Variants in OSBPL9 observed in about 807,000 individuals in gnomAD.
OSBPL9 encodes the protein oxysterol binding protein like 9.
A neutral mutation model predicts 106.6 loss-of-function variants in OSBPL9; 40 were observed. The ratio of observed to expected loss-of-function variants is 0.38; its 90% CI spans 0.29 to 0.49. OSBPL9 has a LOEUF of 0.49. Among genes scored for constraint, OSBPL9 ranks in the 20% least tolerant of loss-of-function variants. OSBPL9 has a pLI of 0.97. For synonymous variants in OSBPL9, 269 were observed against 295.4 expected, an observed-to-expected ratio of 0.91 and a Z score of 0.92; for missense variants, 609 against 887.2, an observed-to-expected ratio of 0.69 and a Z score of 3.98.
the OSBPL9 span, among the ~76,000 whole-genome samples, chr1:51,534,253 G>C: frequency 6.6e-6 from 1 of 150,822 alleles, no homozygotes; most frequent in Non-Finnish European, 1.5e-5. Flanking sequence ...AAGTCATACT[G>C]GTTTTTTTGT....
chr1:51,643,712 C>G (rs1204443327), intron 1 of OSBPL9, among the ~76,000 whole-genome samples: 1 of 151,862 alleles, frequency 6.6e-6, no homozygotes, highest in African/African-American at 2.4e-5. Flanking sequence ...TGATCAGATT[C>G]ATGTTTTGAA....
intron 3 of OSBPL9, among the ~76,000 whole-genome samples, chr1:51,704,099 C>T (rs28771138): frequency 6.6e-6 from 1 of 152,048 alleles, no homozygotes; most frequent in Non-Finnish European, 1.5e-5. Context: ...AAAATTCTCT[C>T]TTTTTGTTGT....
intron 4 of OSBPL9, among the ~76,000 whole-genome samples, chr1:51,737,997 TAA>T (rs962406534): frequency 2.0e-5 from 3 of 152,060 alleles, no homozygotes; most frequent in African/African-American, 7.2e-5. Flanking sequence ...CCAGGCAAAC[TAA>T]AATATACAGT....
At chr1:51,564,052 C>CAAAAAAAAAAAA in the OSBPL9 span, among the ~76,000 whole-genome samples, 13,980 of 27,272 alleles carry the variant, frequency 0.51, 5,340 homozygotes, top group Non-Finnish European at 0.61. Flanking sequence ...GAGATCATCT[C>CAAAAAAAAAAAA]AAAAAAAAAA....
At chr1:51,631,084 A>G (rs1645077231) in intron 1 of OSBPL9, among the ~76,000 whole-genome samples, 1 of 152,164 alleles carries the variant, frequency 6.6e-6, no homozygotes, top group Non-Finnish European at 1.5e-5. Flanking sequence ...TTTCAAAGAT[A>G]GTTTGGTGTG....
the OSBPL9 span, among the ~76,000 whole-genome samples, chr1:51,563,268 C>T: frequency 1.7e-4 from 26 of 152,228 alleles, no homozygotes; most frequent in Non-Finnish European, 2.8e-4. Context: ...ATTTTTGGCT[C>T]ATTCATGGAC....
intron 1 of OSBPL9, among the ~76,000 whole-genome samples, chr1:51,648,287 C>T (rs1192507449): frequency 6.6e-6 from 1 of 152,130 alleles, no homozygotes; most frequent in East Asian, 1.9e-4. Context: ...TGCTTCAGAC[C>T]AGGAGGTAGC....
At chr1:51,591,795 G>A (rs1246703897) in intron 1 of OSBPL9, among the ~76,000 whole-genome samples, 2 of 138,788 alleles carry the variant, frequency 1.4e-5, no homozygotes, top group African/African-American at 6.1e-5. Context: ...GAAAGAAAGA[G>A]ACAGAGAGAG....
chr1:51,680,971 C>CA (rs1173605197), intron 3 of OSBPL9, among the ~76,000 whole-genome samples: 3 of 152,242 alleles, frequency 2.0e-5, no homozygotes, highest in Middle Eastern at 3.4e-3. Flanking sequence ...AATGTCACTG[C>CA]AAAAATATAT....
intron 2 of OSBPL9, among the ~76,000 whole-genome samples, chr1:51,602,683 G>A (rs890868956): frequency 6.6e-6 from 1 of 151,508 alleles, no homozygotes; most frequent in African/African-American, 2.4e-5. Flanking sequence ...TGGGCTCAAG[G>A]GATTCTCCCG....
intron 1 of OSBPL9, among the ~76,000 whole-genome samples, chr1:51,580,042 C>A (rs1194106708): frequency 6.6e-6 from 1 of 152,100 alleles, no homozygotes; most frequent in Non-Finnish European, 1.5e-5. Context: ...AGCAATCCAA[C>A]TGATTCTCAT....
chr1:51,611,065 G>T (rs1348379137), intron 2 of OSBPL9, among the ~76,000 whole-genome samples: 1 of 152,162 alleles, frequency 6.6e-6, no homozygotes, highest in Non-Finnish European at 1.5e-5. Flanking sequence ...TCTCCAAGGG[G>T]ACACTGGAAG....
chr1:51,708,635 A>G (rs1299750496), intron 3 of OSBPL9, among the ~76,000 whole-genome samples: 1 of 152,168 alleles, frequency 6.6e-6, no homozygotes. Flanking sequence ...CTCACATTTA[A>G]TTATTGATTT....
chr1:51,677,577 C>T (rs1430195184), intron 3 of OSBPL9, among the ~76,000 whole-genome samples: 1 of 150,774 alleles, frequency 6.6e-6, no homozygotes, highest in Non-Finnish European at 1.5e-5. Context: ...GACGGAGTCT[C>T]GCCCAGGCTT....
chr1:51,773,989 C>T (rs17106753), intron 14 of OSBPL9, among the ~76,000 whole-genome samples: 169 of 151,212 alleles, frequency 1.1e-3, no homozygotes, highest in African/African-American at 3.7e-3. Context: ...TTAGGAAGGA[C>T]GTTGTTTTCC....
At chr1:51,740,750 CCT>C (rs1347350810) in intron 4 of OSBPL9, among the ~76,000 whole-genome samples, 1 of 152,016 alleles carries the variant, frequency 6.6e-6, no homozygotes, top group Non-Finnish European at 1.5e-5. Flanking sequence ...TATTACTCAG[CCT>C]TCCTGTTCTA....
Position 51,789,137 on chromosome 1 carries a change from A to C in OSBPL9, c.*1348A>C. 8.7e-7 allele frequency: 1 copy of C among 1,145,180 alleles called. No individual in the cohort carries two copies. 70.9% of individuals were successfully genotyped at this position (1,145,180 alleles called of 1,614,324 possible). On this transcript the variant is annotated 3_prime_UTR_variant, in exon 24 of 24. Transcript: ENST00000428468. ...TGCTATGATGCCAGTGCAAAACTTC[A>C]ATGGAAGCCCTAAGGCAGTAGTATA...
At chr1:51,786,275 T>C in intron 21 of OSBPL9, 1 of 456,946 alleles carries the variant, frequency 2.2e-6, no homozygotes. Context: ...TATAATAAAA[T>C]TTACTGACTG....
At chr1:51,549,768 G>A in the OSBPL9 span, among the ~76,000 whole-genome samples, 1 of 152,246 alleles carries the variant, frequency 6.6e-6, no homozygotes, top group Non-Finnish European at 1.5e-5. Flanking sequence ...TGGAGGTGGA[G>A]GTTACAGTAA....
Sources: gnomAD v4.1 joint callset for allele counts (sites outside exome capture counted in the v4.1 genomes callset) on GRCh38, gnomAD v4.1.1 for gene constraint, MANE v1.5 for transcripts, NCBI Gene and HGNC (gene_info 2026-07-23, HGNC 2026-07-21) for gene names.